The following EHBP1 variants were observed in gnomAD, a reference collection of about 807,000 sequenced individuals.
EHBP1 encodes EH domain-binding protein 1.
EHBP1 carries 55 observed loss-of-function variants against 144.0 expected under a neutral mutation model. That is an observed-to-expected ratio of 0.38 (90% CI 0.31 to 0.48). The LOEUF (loss-of-function observed/expected upper bound fraction) is 0.48. EHBP1 is among the 20% of genes least tolerant of loss of function. EHBP1 has a pLI of 0.98. For missense variants in EHBP1, 1,200 were observed against 1,364.2 expected, an observed-to-expected ratio of 0.88 and a Z score of 1.90; for synonymous variants, 469 against 472.7, an observed-to-expected ratio of 0.99 and a Z score of 0.10.
intron 2 of EHBP1, among the ~76,000 whole-genome samples, chr2:62,718,623 T>TA (rs1294259041): frequency 2.0e-5 from 3 of 152,248 alleles, no homozygotes; most frequent in African/African-American, 7.2e-5. Context: ...TTTTAGAAGT[T>TA]ACGCAATTGC....
intron 1 of EHBP1, among the ~76,000 whole-genome samples, chr2:62,677,976 T>G (rs1156689281): frequency 2.6e-5 from 4 of 152,214 alleles, no homozygotes; most frequent in African/African-American, 9.6e-5. Flanking sequence ...TATACTAATT[T>G]CCTTCCTTTG....
chr2:63,030,205 A>T (rs2061173875), intron 19 of EHBP1, among the ~76,000 whole-genome samples: 1 of 152,344 alleles, frequency 6.6e-6, no homozygotes, highest in East Asian at 1.9e-4. Context: ...GTAAGTAAAC[A>T]TTCATAATAT....
intron 14 of EHBP1, among the ~76,000 whole-genome samples, chr2:62,976,008 CA>C (rs2058697139): frequency 1.3e-5 from 2 of 151,680 alleles, no homozygotes; most frequent in South Asian, 4.2e-4. Flanking sequence ...ACTGGAAATA[CA>C]AAATAATTCT....
intron 1 of EHBP1, among the ~76,000 whole-genome samples, chr2:62,698,685 C>T (rs1346043935): frequency 2.0e-5 from 3 of 152,202 alleles, no homozygotes; most frequent in Admixed American, 6.5e-5. Flanking sequence ...TCCCAGGCTA[C>T]GTTCTGATCA....
In EHBP1 at chr2:62,829,966, C is replaced by T. The variant is rs1459520866; in HGVS notation, c.495-1053C>T. The stretch of plus-strand genomic sequence containing the variant: ...AAGAGTTAAAAAGTAGAACTACCGT[C>T]TGATCCAGGAATCCCACTGCAGGGT... On this transcript the variant is annotated intron_variant, in intron 6 of 22. Transcript: ENST00000431489. 3.3e-5 allele frequency among the ~76,000 whole-genome samples: 5 copies of T among 150,836 alleles called. 1 individual carries two copies. The highest frequency in any genetic ancestry group is 3.3e-4 in the Admixed American group (5 of 15,086).
At chr2:62,791,739 T>C (rs2043180356) in intron 5 of EHBP1, among the ~76,000 whole-genome samples, 1 of 151,982 alleles carries the variant, frequency 6.6e-6, no homozygotes, top group Non-Finnish European at 1.5e-5. Flanking sequence ...AAGTTTTCTT[T>C]ATAGAATGAT....
intron 14 of EHBP1, among the ~76,000 whole-genome samples, chr2:62,970,091 CTT>C (rs199945341): frequency 6.1e-5 from 8 of 131,948 alleles, no homozygotes; most frequent in Non-Finnish European, 9.9e-5. Context: ...ACACAGAATT[CTT>C]TTTTTTTTTT....
At chr2:62,686,232 G>A (rs2033713925) in intron 1 of EHBP1, among the ~76,000 whole-genome samples, 1 of 152,058 alleles carries the variant, frequency 6.6e-6, no homozygotes, top group East Asian at 1.9e-4. Context: ...TCCTTTGTGG[G>A]GCAGACAAGA....
intron 13 of EHBP1, 62 bp from the exon 14 acceptor site, chr2:62,955,455 G>C: frequency 2.0e-6 from 3 of 1,507,374 alleles, no homozygotes; most frequent in Non-Finnish European, 1.8e-6. Flanking sequence ...CCTTTCATTA[G>C]TTTACAAATG....
intron 10 of EHBP1, chr2:62,939,944 A>G (rs1398730983): frequency 1.3e-5 from 3 of 232,712 alleles, no homozygotes; most frequent in Non-Finnish European, 2.6e-5. Context: ...TATCACAGCC[A>G]TGGGTTTAAG....
chr2:62,840,186 A>C (rs2047684482), intron 7 of EHBP1, among the ~76,000 whole-genome samples: 1 of 150,594 alleles, frequency 6.6e-6, no homozygotes, highest in African/African-American at 2.4e-5. Context: ...ATAACGCCGC[A>C]TACCTACAAC....
At chr2:62,681,071 G>C (rs574438968) in intron 1 of EHBP1, among the ~76,000 whole-genome samples, 13 of 151,806 alleles carry the variant, frequency 8.6e-5, no homozygotes, top group African/African-American at 3.1e-4. Context: ...CCTGCACTTT[G>C]GGAGGCTGAG....
rs111428855 is a variant in EHBP1, at chr2:62,724,860, T to A, written c.104+17565T>A. ...TCACAGGAGCACAAATGCTATTGTG[T>A]ACTGCTCATGCAAGGGATGTAACTT... On this transcript the variant is annotated intron_variant, in intron 2 of 22. Coordinates refer to ENST00000431489, the MANE Select transcript of EHBP1 (RefSeq NM_001142616.3). Among the ~76,000 whole-genome samples, 247 of 152,314 alleles carry A rather than the reference T, an allele frequency of 1.6e-3. 1 individual carries two copies. The highest frequency in any genetic ancestry group is 5.1e-3 in the African/African-American group (213 of 41,568).
At chr2:63,044,972 A>C in intron 21 of EHBP1, 94 bp from the exon 22 acceptor site, 1 of 924,216 alleles carries the variant, frequency 1.1e-6, no homozygotes, top group Non-Finnish European at 1.6e-6. Flanking sequence ...TTGCTGAGAA[A>C]TATAAGGAAA....
rs1185762672 is a variant in EHBP1 at position 62,755,575 on chromosome 2, G to A, written c.162+8123G>A. On this transcript the variant is annotated intron_variant, in intron 3 of 22. Transcript: ENST00000431489. ...TTTTTAACTTGTAAGAAATTGCCACGCACTCTCACCAGCAATATTGAAGAG... is the reference window on the plus strand; with the variant it reads ...TTTTTAACTTGTAAGAAATTGCCACACACTCTCACCAGCAATATTGAAGAG... Among the ~76,000 whole-genome samples the A allele has an allele frequency of 5.9e-5, 9 of 152,264 alleles. No homozygotes were observed. The South Asian group carries it at 1.0e-3, about 18-fold the overall frequency.
At chr2:62,990,685 C>G (rs746733898) in intron 15 of EHBP1, 31 bp from the exon 16 acceptor site, 2 of 1,608,958 alleles carry the variant, frequency 1.2e-6, no homozygotes, top group Admixed American at 3.3e-5. Context: ...GCATCTCACT[C>G]AGTTATTCAT....
intron 5 of EHBP1, among the ~76,000 whole-genome samples, chr2:62,820,861 T>C (rs1317548707): frequency 6.7e-6 from 1 of 148,202 alleles, no homozygotes; most frequent in Non-Finnish European, 1.5e-5. Context: ...TAGAATACTG[T>C]TTCCTTCTGG....
At chr2:62,838,390 A>G (rs1014580608) in intron 7 of EHBP1, among the ~76,000 whole-genome samples, 5 of 150,986 alleles carry the variant, frequency 3.3e-5, no homozygotes, top group African/African-American at 1.2e-4. Flanking sequence ...AGAAAGCAGG[A>G]AAGATCCAAA....
chr2:62,711,294 T>C (rs970857274), intron 2 of EHBP1, among the ~76,000 whole-genome samples: 4 of 152,210 alleles, frequency 2.6e-5, no homozygotes, highest in Non-Finnish European at 5.9e-5. Context: ...GATAATAAAT[T>C]TTTTTAAAGA....
Sources: gnomAD v4.1 joint callset for allele counts (sites outside exome capture counted in the v4.1 genomes callset) on GRCh38, gnomAD v4.1.1 for gene constraint, MANE v1.5 for transcripts, NCBI Gene and HGNC (gene_info 2026-07-23, HGNC 2026-07-21) for gene names.